SKP2: variants seen among roughly 807,000 people sequenced by gnomAD.
The protein encoded by SKP2 is S-phase kinase-associated protein 2.
A neutral mutation model predicts 51.8 loss-of-function variants in SKP2; 16 were observed. The ratio of observed to expected loss-of-function variants is 0.31; its 90% confidence interval spans 0.21 to 0.47. The LOEUF (loss-of-function observed/expected upper bound fraction) is 0.47. SKP2 is among the 20% of genes least tolerant of loss of function. The pLI is 1.00. For synonymous variants in SKP2, 176 were observed against 198.6 expected (o/e 0.89, Z 0.96); for missense variants, 377 against 505.3 (o/e 0.75, Z 2.43).
intron 9 of SKP2, 81 bp downstream of exon 9, chr5:36,177,373 T>A: frequency 1.2e-6 from 1 of 859,282 alleles, no homozygotes; most frequent in Non-Finnish European, 2.0e-6. Context: ...CCATTTTTAT[T>A]AATAGACATA....
At chr5:36,164,156 C>T (rs1579558079) in intron 3 of SKP2, among the ~76,000 whole-genome samples, 1 of 152,192 alleles carries the variant, frequency 6.6e-6, no homozygotes, top group Admixed American at 6.5e-5. Context: ...CACACCCAGC[C>T]TCTGCTGCTT....
intron 9 of SKP2, 161 bp downstream of exon 9, chr5:36,177,453 C>T (rs1221438181): frequency 2.8e-6 from 2 of 713,282 alleles, no homozygotes; most frequent in Non-Finnish European, 5.2e-6. Context: ...ATTGCTTAAA[C>T]TGGTGAAATT....
In SKP2 at chr5:36,183,854, C is replaced by G; in HGVS notation, c.*1823C>G. The G allele has an allele frequency of 6.2e-7, 1 of 1,602,770 alleles. No homozygotes were observed. Among genetic ancestry groups the G allele is most frequent in the South Asian group, 1.1e-5 (1 of 88,418 alleles). On this transcript the variant is annotated 3_prime_UTR_variant, in exon 10 of 10. Transcript: ENST00000274255. ...ATTGTTTACAGATTAGTGACAAGAG[C>G]TGGGGTTAGGATCCGGTTGGACTCT...
intron 2 of SKP2, among the ~76,000 whole-genome samples, chr5:36,156,924 C>G (rs1332278904): frequency 6.8e-6 from 1 of 147,846 alleles, no homozygotes; most frequent in East Asian, 2.0e-4. Flanking sequence ...TTTTTTCCAA[C>G]TTTTTTTTTT....
In SKP2 at chr5:36,183,799, G is replaced by GT. The variant is rs767991213; in HGVS notation, c.*1770dup. The GT allele has an allele frequency of 1.3e-6, 2 of 1,523,160 alleles. No individual in the cohort carries two copies. Among genetic ancestry groups the GT allele is most frequent in the East Asian group, 4.7e-5 (2 of 42,282 alleles). The allele number at this position is 1,523,160 out of a possible 1,614,324, so 94.4% of individuals were successfully genotyped here. A position where few individuals can be genotyped will look rare whatever the true frequency, so the allele number is the denominator to read the frequency against. ...ATGATGATGCTTCAATTTCTTAATA[G>GT]TTAAAAAGTGCTAAATACTACTTGA... On this transcript the variant is annotated 3_prime_UTR_variant, in exon 10 of 10. Transcript: ENST00000274255.
rs937497724 is a variant in SKP2 at position 36,163,828 on chromosome 5, C to G, written c.392+72C>G. 10 of 1,027,110 alleles carry G rather than the reference C, an allele frequency of 9.7e-6. 1 individual carries two copies. In the East Asian group the frequency reaches 2.2e-4, roughly 22 times the overall value. The allele number at this position is 1,027,110 out of a possible 1,614,324, so 63.6% of individuals were successfully genotyped here. A position where few individuals can be genotyped will look rare whatever the true frequency, so the allele number is the denominator to read the frequency against. On this transcript the variant is annotated intron_variant, in intron 3 of 9. Coordinates refer to ENST00000274255, the MANE Select transcript of SKP2 (RefSeq NM_005983.4). The stretch of plus-strand genomic sequence containing the variant: ...AGGAAGGTTATTTATTCGTTTTGGT[C>G]TGATGAAACTAAAAACCAAGAAAAA...
chr5:36,177,422 G>T, intron 9 of SKP2, 130 bp downstream of exon 9: 1 of 738,774 alleles, frequency 1.4e-6, no homozygotes, highest in Non-Finnish European at 2.5e-6. Flanking sequence ...CCACAGACTG[G>T]CTATGAAAGA....
chr5:36,176,573 ATTTC>A (rs1294588234), intron 7 of SKP2, among the ~76,000 whole-genome samples: 2 of 151,832 alleles, frequency 1.3e-5, no homozygotes, highest in African/African-American at 4.8e-5. Flanking sequence ...TAGTGGCAAT[ATTTC>A]TTTTTACTGA....
intron 2 of SKP2, among the ~76,000 whole-genome samples, chr5:36,158,114 C>T (rs924860922): frequency 1.5e-4 from 23 of 152,296 alleles, no homozygotes; most frequent in African/African-American, 5.1e-4. Flanking sequence ...TATTTAACTG[C>T]CGTCCATGTC....
At chr5:36,181,099 A>C (rs1272190306) in intron 9 of SKP2, among the ~76,000 whole-genome samples, 3 of 152,204 alleles carry the variant, frequency 2.0e-5, no homozygotes, top group Non-Finnish European at 4.4e-5. Flanking sequence ...AACAGGGTTG[A>C]ATTTCATCTA....
At chr5:36,158,070 G>A (rs1201790470) in intron 2 of SKP2, among the ~76,000 whole-genome samples, 1 of 152,196 alleles carries the variant, frequency 6.6e-6, no homozygotes, top group African/African-American at 2.4e-5. Context: ...TTGCTGGTTT[G>A]GCCCAGTTTT....
rs35863230 is a variant in SKP2 at position 36,182,995 on chromosome 5, AT to A, written c.*974del. The A allele has an allele frequency of 0.42, 381,115 of 915,726 alleles. 80,675 individuals carry two copies. The highest frequency in any genetic ancestry group is 0.68 in the South Asian group (13,297 of 19,496). 56.7% of individuals were successfully genotyped at this position (915,726 alleles called of 1,614,324 possible). A position where few individuals can be genotyped will look rare whatever the true frequency, so the allele number is the denominator to read the frequency against. ...TCTGGAATCAAGTATTTTAAATTGT[AT>A]TTTTTTTTTAAATGATCTCTCAGCA... On this transcript the variant is annotated 3_prime_UTR_variant, in exon 10 of 10. Transcript: ENST00000274255.
At chr5:36,185,421 A>G (rs950726637), downstream of SKP2, among the ~76,000 whole-genome samples, 17 of 152,204 alleles carry the variant, frequency 1.1e-4, no homozygotes, top group African/African-American at 4.1e-4. Flanking sequence ...TCTTGAATTA[A>G]TATTTGTATA....
intron 6 of SKP2, among the ~76,000 whole-genome samples, chr5:36,190,901 A>G (rs1235011942): frequency 6.6e-6 from 1 of 152,194 alleles, no homozygotes; most frequent in Non-Finnish European, 1.5e-5. Flanking sequence ...AGCATTGTAT[A>G]TCAAGATGGT....
intron 7 of SKP2, among the ~76,000 whole-genome samples, chr5:36,174,451 G>A (rs1745568293): frequency 6.6e-6 from 1 of 152,042 alleles, no homozygotes; most frequent in South Asian, 2.1e-4. Flanking sequence ...TTTGCTGATG[G>A]CTAGTTGGCT....
At position 36,152,182 on chromosome 5, in the gene SKP2, C is replaced by T. The variant is rs1167592667; in HGVS notation, c.-81C>T. On this transcript the variant is annotated 5_prime_UTR_variant, in exon 1 of 10. Transcript: ENST00000274255. ...GCCCGAGCAGCACGCTCGGAGCCGCCGCGCGCCAAAGCGGGAATCTGGGAG... is the reference window on the plus strand; with the variant it reads ...GCCCGAGCAGCACGCTCGGAGCCGCTGCGCGCCAAAGCGGGAATCTGGGAG... The T allele has an allele frequency of 2.6e-6, 4 of 1,514,118 alleles. No homozygotes were observed. Among genetic ancestry groups the T allele is most frequent in the Non-Finnish European group, 3.7e-6 (4 of 1,090,658 alleles). 93.8% of individuals were successfully genotyped at this position (1,514,118 alleles called of 1,614,324 possible). A position where few individuals can be genotyped will look rare whatever the true frequency, so the allele number is the denominator to read the frequency against.
chr5:36,158,837 C>CCCCATCT (rs1745034180), intron 2 of SKP2, among the ~76,000 whole-genome samples: 1 of 152,106 alleles, frequency 6.6e-6, no homozygotes, highest in South Asian at 2.1e-4. Flanking sequence ...AAGCCCCAGC[C>CCCCATCT]CCCATCTCCC....
downstream of SKP2, among the ~76,000 whole-genome samples, chr5:36,188,446 A>G (rs774117347): frequency 4.6e-5 from 7 of 152,168 alleles, no homozygotes; most frequent in South Asian, 2.1e-4. Flanking sequence ...ATCTCTCAGC[A>G]TTTGCTTGTC....
intron 2 of SKP2, among the ~76,000 whole-genome samples, chr5:36,155,769 C>T (rs79741454): frequency 0.11 from 17,386 of 152,144 alleles, 1,273 homozygotes; most frequent in African/African-American, 0.2. Flanking sequence ...TGTCCAGTGC[C>T]GATAGCTTTT....
Sources: gnomAD v4.1 joint callset for allele counts (sites outside exome capture counted in the v4.1 genomes callset) on GRCh38, gnomAD v4.1.1 for gene constraint, MANE v1.5 for transcripts, NCBI Gene and HGNC (gene_info 2026-07-23, HGNC 2026-07-21) for gene names.